VPS13B: variants seen among roughly 807,000 people sequenced by gnomAD.
VPS13B encodes intermembrane lipid transfer protein VPS13B.
Under a neutral mutation model 426.4 loss-of-function variants are expected in VPS13B, and 285 were observed. That is an observed-to-expected ratio of 0.67 (90% CI 0.61 to 0.74). The LOEUF (loss-of-function observed/expected upper bound fraction) is 0.74, where lower values mean the gene tolerates loss of function less well. Ranked by LOEUF, VPS13B falls within the 30% of genes least tolerant of loss-of-function variation. VPS13B has a pLI of 0.00. For missense variants in VPS13B, 4,537 were observed against 4,782.6 expected (o/e 0.95, Z 1.51); for synonymous variants, 1,676 against 1,676.4 (o/e 1.00, Z 0.01).
chr8:99,798,626 T>C (rs528489432), intron 43 of VPS13B, among the ~76,000 whole-genome samples: 84 of 152,286 alleles, frequency 5.5e-4, no homozygotes, highest in African/African-American at 2.0e-3. Context: ...ATGGGGATAT[T>C]TCAAGTGCAA....
At chr8:99,128,228 A>C (rs1309799079) in intron 8 of VPS13B, among the ~76,000 whole-genome samples, 2 of 151,696 alleles carry the variant, frequency 1.3e-5, no homozygotes, top group Non-Finnish European at 2.9e-5. Context: ...CTTTACTAAA[A>C]ATAGAGAAAT....
At chr8:99,318,323 G>A (rs1014227964) in intron 19 of VPS13B, among the ~76,000 whole-genome samples, 1 of 152,110 alleles carries the variant, frequency 6.6e-6, no homozygotes, top group Non-Finnish European at 1.5e-5. Flanking sequence ...AATATGGTAT[G>A]TAAAAGAGAG....
Position 99,408,320 on chromosome 8 carries a change from C to T in VPS13B, c.3082+16616C>T, listed in dbSNP as rs1259331870. On this transcript the variant is annotated intron_variant, in intron 21 of 61. Transcript: ENST00000357162. ...TATGGCTCTTGGCCATAGTGTATAT[C>T]TATAATCATGGTAACTTTGCCAGGT... Among the ~76,000 whole-genome samples, 4 of 152,176 alleles carry T rather than the reference C, an allele frequency of 2.6e-5. No homozygotes were observed. In the East Asian group the frequency reaches 7.7e-4, roughly 29 times the overall value.
intron 17 of VPS13B, among the ~76,000 whole-genome samples, chr8:99,262,420 A>G (rs1818091007): frequency 6.6e-6 from 1 of 152,108 alleles, no homozygotes; most frequent in Admixed American, 6.6e-5. Context: ...AGATTTTTAC[A>G]GTCTTTGTCA....
chr8:99,482,422 A>G (rs1349719186), intron 25 of VPS13B, among the ~76,000 whole-genome samples: 4 of 152,208 alleles, frequency 2.6e-5, no homozygotes, highest in Non-Finnish European at 5.9e-5. Flanking sequence ...AAAAATATAT[A>G]ATGTCTTAAA....
chr8:99,216,305 A>G (rs1815387333), intron 17 of VPS13B, among the ~76,000 whole-genome samples: 1 of 151,900 alleles, frequency 6.6e-6, no homozygotes, highest in Non-Finnish European at 1.5e-5. Flanking sequence ...GGTCCTTTCC[A>G]TTTTTACTTG....
intron 43 of VPS13B, among the ~76,000 whole-genome samples, chr8:99,800,892 T>A (rs1813088125): frequency 6.6e-6 from 1 of 152,208 alleles, no homozygotes; most frequent in African/African-American, 2.4e-5. Flanking sequence ...TAAGCCTTAA[T>A]GTTTGCTAGA....
At chr8:99,782,937 G>T (rs1413718828) in intron 42 of VPS13B, among the ~76,000 whole-genome samples, 1 of 152,124 alleles carries the variant, frequency 6.6e-6, no homozygotes, top group East Asian at 1.9e-4. Context: ...ATGAAGCAAG[G>T]TTCGGTTCAA....
intron 36 of VPS13B, among the ~76,000 whole-genome samples, chr8:99,714,329 G>A (rs1323772051): frequency 2.0e-5 from 3 of 152,102 alleles, no homozygotes; most frequent in Non-Finnish European, 4.4e-5. Context: ...AGTATATGGG[G>A]TAGAAGGGAC....
chr8:99,065,496 A>G (rs145372575), intron 3 of VPS13B, among the ~76,000 whole-genome samples: 2,532 of 152,344 alleles, frequency 0.017, 65 homozygotes, highest in African/African-American at 0.058. Flanking sequence ...TAAACTAGGT[A>G]TTGATGGAAC....
intron 39 of VPS13B, among the ~76,000 whole-genome samples, chr8:99,730,059 G>A (rs1833527820): frequency 6.6e-6 from 1 of 152,174 alleles, no homozygotes; most frequent in African/African-American, 2.4e-5. Context: ...AAAAGGAAGT[G>A]TTCTTGGATG....
At chr8:99,736,772 C>T (rs965720899) in intron 39 of VPS13B, among the ~76,000 whole-genome samples, 1 of 151,894 alleles carries the variant, frequency 6.6e-6, no homozygotes, top group Non-Finnish European at 1.5e-5. Context: ...TATATTTTTG[C>T]CTCCATGTAT....
intron 19 of VPS13B, among the ~76,000 whole-genome samples, chr8:99,379,430 G>C (rs947377212): frequency 2.6e-5 from 4 of 151,894 alleles, no homozygotes; most frequent in Non-Finnish European, 4.4e-5. Flanking sequence ...AAATTTTCAG[G>C]AATTATTTTG....
At chr8:99,152,821 A>T (rs891075463) in intron 14 of VPS13B, among the ~76,000 whole-genome samples, 1 of 151,822 alleles carries the variant, frequency 6.6e-6, no homozygotes. Flanking sequence ...CTTTCTTTTG[A>T]TTAGTTTTAG....
chr8:99,650,201 A>G (rs1829750202), intron 34 of VPS13B, among the ~76,000 whole-genome samples: 1 of 152,204 alleles, frequency 6.6e-6, no homozygotes, highest in Non-Finnish European at 1.5e-5. Flanking sequence ...TCTTGAGCAC[A>G]GATCAGCTAC....
chr8:99,034,750 G>C lies in VPS13B; in HGVS notation c.148-3673G>C, dbSNP rs1017406146. On this transcript the variant is annotated intron_variant, in intron 2 of 61. Coordinates refer to ENST00000357162, the MANE Select transcript of VPS13B (RefSeq NM_152564.5). ...TGCTAGCCTTACTCTTATTGCTGCT[G>C]AGCTGTCTGTTGTTTTTGACAACTT... Among the ~76,000 whole-genome samples, 7 of 152,270 alleles carry C rather than the reference G, an allele frequency of 4.6e-5. No individual in the cohort carries two copies. The Middle Eastern group carries it at 0.01, about 222-fold the overall frequency.
rs398124332 is a variant in VPS13B, at chr8:99,384,289, A to G, written c.2906A>G (p.Gln969Arg). The G allele has an allele frequency of 3.7e-6, 6 of 1,613,778 alleles. No homozygotes were observed. The Admixed American group carries it at 1.0e-4, about 27-fold the overall frequency. ...ILYTWLIYQP[Q>R]KRTSRHMQQQ... ...TATACGTGGCTCATCTATCAGCCTC[A>G]GAAACGAACAAGTAGACATATGCAA... is the stretch of plus-strand genomic sequence containing the variant. Residue 969 changes from glutamine (Q) to arginine (R), a missense_variant, in exon 20 of 62, where the codon CAG becomes CGG. Coordinates refer to ENST00000357162, the MANE Select transcript of VPS13B (RefSeq NM_152564.5).
chr8:99,158,163 G>A (rs981732413), intron 15 of VPS13B, among the ~76,000 whole-genome samples: 7 of 152,202 alleles, frequency 4.6e-5, no homozygotes, highest in African/African-American at 9.6e-5. Context: ...CAATGTAGAC[G>A]AAATAGCCTT....
intron 2 of VPS13B, among the ~76,000 whole-genome samples, chr8:99,032,655 G>A (rs1842568909): frequency 6.7e-6 from 1 of 149,192 alleles, no homozygotes; most frequent in African/African-American, 2.5e-5. Flanking sequence ...TCAGCCTCCC[G>A]AGTAGCTGGA....
Sources: gnomAD v4.1 joint callset for allele counts (sites outside exome capture counted in the v4.1 genomes callset) on GRCh38, gnomAD v4.1.1 for gene constraint, MANE v1.5 for transcripts, NCBI Gene and HGNC (gene_info 2026-07-23, HGNC 2026-07-21) for gene names.